RBFOX3: variants seen among roughly 807,000 people sequenced by gnomAD.
RBFOX3 encodes RNA binding protein fox-1 homolog 3.
RBFOX3 carries 17 observed loss-of-function variants against 48.7 expected under a neutral mutation model. The observed-to-expected ratio is 0.35, with a 90% CI of 0.24 to 0.52. The LOEUF is 0.52. RBFOX3 is among the 20% of genes least tolerant of loss of function. The probability of loss-of-function intolerance (pLI) is 0.94; values close to 1 mark genes in which losing one functional copy is unlikely to be tolerated. For missense variants in RBFOX3, 382 were observed against 497.5 expected (o/e 0.77, Z 2.21); for synonymous variants, 212 against 209.5 (o/e 1.01, Z -0.10).
At chr17:79,251,741 A>G (rs2063990616) in intron 3 of RBFOX3, among the ~76,000 whole-genome samples, 1 of 152,152 alleles carries the variant, frequency 6.6e-6, no homozygotes. Context: ...GCCCCATTGT[A>G]CACTTCACAG....
intron 4 of RBFOX3, among the ~76,000 whole-genome samples, chr17:79,207,657 G>A (rs1486121579): frequency 1.3e-5 from 2 of 152,184 alleles, no homozygotes; most frequent in African/African-American, 2.4e-5. Flanking sequence ...CCCTCCTCTC[G>A]CGGGCCTAAG....
intron 2 of RBFOX3, among the ~76,000 whole-genome samples, chr17:79,331,700 C>T (rs12946859): frequency 0.19 from 28,412 of 152,240 alleles, 3,567 homozygotes; most frequent in Non-Finnish European, 0.28. Flanking sequence ...AAGTAATTGA[C>T]ACCGCAAGGA....
intron 1 of RBFOX3, among the ~76,000 whole-genome samples, chr17:79,540,143 GCACACAC>G (rs782326791): frequency 6.6e-6 from 1 of 152,192 alleles, no homozygotes; most frequent in Non-Finnish European, 1.5e-5. Flanking sequence ...TCACACGCAT[GCACACAC>G]ACTCACAGGT....
intron 1 of RBFOX3, among the ~76,000 whole-genome samples, chr17:79,532,066 G>A (rs2087869573): frequency 6.6e-6 from 1 of 152,240 alleles, no homozygotes; most frequent in Non-Finnish European, 1.5e-5. Flanking sequence ...AGGCCTGAAT[G>A]CAGATGACCC....
In RBFOX3 at chr17:79,458,706, T is replaced by C. The variant is rs552962313; in HGVS notation, c.-175+23748A>G. On this transcript the variant is annotated intron_variant, in intron 2 of 14. Coordinates refer to ENST00000693108, the MANE Select transcript of RBFOX3 (RefSeq NM_001350451.2). ...GGGCGGGGGCAGCAGCTGGGCAGTC[T>C]GCTTCCTGAGCGGAGGAGCAATTTC... Among the ~76,000 whole-genome samples, 155 of 152,262 alleles carry C rather than the reference T, an allele frequency of 1.0e-3. 1 individual carries two copies. The highest frequency in any genetic ancestry group is 3.5e-3 in the African/African-American group (147 of 41,548).
At chr17:79,449,622 A>AACACACACACACACACATACAC (rs144341578) in intron 2 of RBFOX3, among the ~76,000 whole-genome samples, 1 of 144,494 alleles carries the variant, frequency 6.9e-6, no homozygotes, top group South Asian at 2.3e-4. Flanking sequence ...TGCACACATA[A>AACACACACACACACACATACAC]ACACACACAC....
chr17:79,627,857 G>C, the RBFOX3 span, among the ~76,000 whole-genome samples: 1 of 152,162 alleles, frequency 6.6e-6, no homozygotes, highest in East Asian at 1.9e-4. Context: ...GCAGCCGGCG[G>C]AGGGAGCAGG....
At chr17:79,203,724 C>T (rs929135601) in intron 4 of RBFOX3, among the ~76,000 whole-genome samples, 5 of 151,972 alleles carry the variant, frequency 3.3e-5, no homozygotes, top group African/African-American at 9.7e-5. Context: ...AGCTGACTGT[C>T]AACACAGGGC....
chr17:79,166,174 C>T (rs1436076816), intron 4 of RBFOX3, among the ~76,000 whole-genome samples: 2 of 152,002 alleles, frequency 1.3e-5, no homozygotes, highest in African/African-American at 2.4e-5. Context: ...CAGGTAAGGG[C>T]GAACCTTGGC....
intron 1 of RBFOX3, among the ~76,000 whole-genome samples, chr17:79,560,758 G>A (rs895888917): frequency 2.0e-5 from 3 of 152,184 alleles, no homozygotes; most frequent in African/African-American, 4.8e-5. Context: ...ATGACAGCAC[G>A]GCCAGCGCGA....
intron 2 of RBFOX3, among the ~76,000 whole-genome samples, chr17:79,314,177 G>A (rs1024565018): frequency 6.6e-5 from 10 of 152,196 alleles, no homozygotes; most frequent in Admixed American, 2.6e-4. Context: ...AGGGCTTTAC[G>A]TTTTGCTCTA....
At position 79,128,994 on chromosome 17, in the gene RBFOX3, C is replaced by T. The variant is rs539260667; in HGVS notation, c.-33-13246G>A. The stretch of plus-strand genomic sequence containing the variant: ...GCCACCTGAGCCCACCTGAACTTTC[C>T]AGAACCTCAGCAGTGGAGGGTAGCA... On this transcript the variant is annotated intron_variant, in intron 4 of 14. Coordinates refer to ENST00000693108, the MANE Select transcript of RBFOX3 (RefSeq NM_001350451.2). Among the ~76,000 whole-genome samples the T allele has an allele frequency of 2.0e-5, 3 of 152,290 alleles. No homozygotes were observed. The East Asian group carries it at 5.8e-4, about 29-fold the overall frequency.
intron 2 of RBFOX3, among the ~76,000 whole-genome samples, chr17:79,320,473 C>T (rs1047487329): frequency 6.6e-6 from 1 of 152,232 alleles, no homozygotes; most frequent in African/African-American, 2.4e-5. Context: ...CCCTCATTAA[C>T]AGCTTTTGGT....
chr17:79,523,844 A>C (rs1016553109), intron 1 of RBFOX3, among the ~76,000 whole-genome samples: 46 of 152,328 alleles, frequency 3.0e-4, no homozygotes, highest in Admixed American at 2.6e-3. Context: ...TGATTTCAGA[A>C]GGTAGATAAG....
At position 79,415,667 on chromosome 17, in the gene RBFOX3, C is replaced by A. The variant is rs573216021; in HGVS notation, c.-175+66787G>T. Among the ~76,000 whole-genome samples the A allele has an allele frequency of 3.9e-5, 6 of 152,332 alleles. No individual in the cohort carries two copies. The East Asian group carries it at 1.2e-3, about 29-fold the overall frequency. On this transcript the variant is annotated intron_variant, in intron 2 of 14. Transcript: ENST00000693108. ...CACACAATTGCATGCGGCTCAGTTA[C>A]GATGGGCACACAGGGAGCAGGTCCT...
At position 79,421,459 on chromosome 17, in the gene RBFOX3, C is replaced by T. The variant is rs2066361481; in HGVS notation, c.-175+60995G>A. Among the ~76,000 whole-genome samples, 2 of 152,158 alleles carry T rather than the reference C, an allele frequency of 1.3e-5. No homozygotes were observed. The highest frequency in any genetic ancestry group is 2.4e-5 in the African/African-American group (1 of 41,440). ...CTCTCCAGAGCCCACGGACCACAGC[C>T]ACTGGCAGGACAGCAGCTCTCAGCC... is the stretch of plus-strand genomic sequence containing the variant. On this transcript the variant is annotated intron_variant, in intron 2 of 14. Transcript: ENST00000693108. The surrounding 1 kb of genome is among the most constrained non-coding windows in gnomAD (Gnocchi z 4.5).
chr17:79,428,046 C>T (rs1330539154), intron 2 of RBFOX3, among the ~76,000 whole-genome samples: 1 of 152,262 alleles, frequency 6.6e-6, no homozygotes, highest in Non-Finnish European at 1.5e-5. Flanking sequence ...AACTGAATGT[C>T]CAGGTCAACC....
chr17:79,152,540 C>A (rs2707034), intron 4 of RBFOX3, among the ~76,000 whole-genome samples: 1 of 152,212 alleles, frequency 6.6e-6, no homozygotes, highest in Non-Finnish European at 1.5e-5. Flanking sequence ...TTCTTCACCC[C>A]GCTTAACGCC....
At chr17:79,310,997 T>C (rs1440139855) in intron 2 of RBFOX3, among the ~76,000 whole-genome samples, 2 of 152,128 alleles carry the variant, frequency 1.3e-5, no homozygotes, top group African/African-American at 4.8e-5. Flanking sequence ...ATGCCTAAAA[T>C]GAATTGATTT....
Sources: allele counts gnomAD v4.1 joint callset (sites outside exome capture counted in the v4.1 genomes callset), GRCh38; gene constraint gnomAD v4.1.1; non-coding constraint Gnocchi (gnomAD v3.1); transcripts MANE v1.5; gene names NCBI Gene and HGNC (gene_info 2026-07-23, HGNC 2026-07-21).